The following GTF2F2 variants were observed in gnomAD, a reference collection of about 807,000 sequenced individuals.
The protein encoded by GTF2F2 is ATP-dependent helicase GTF2F2.
Under a neutral mutation model 42.2 loss-of-function variants are expected in GTF2F2, and 23 were observed. The observed-to-expected ratio is 0.55, with a 90% CI of 0.39 to 0.77. The LOEUF is 0.77. Among genes scored for constraint, GTF2F2 ranks in the 30% least tolerant of loss-of-function variants. The pLI is 0.00. For synonymous variants in GTF2F2, 105 were observed against 100.8 expected, an observed-to-expected ratio of 1.04 and a Z score of -0.25; for missense variants, 261 against 287.2, an observed-to-expected ratio of 0.91 and a Z score of 0.66.
At chr13:45,224,934 G>A (rs919969283) in intron 5 of GTF2F2, among the ~76,000 whole-genome samples, 2 of 152,188 alleles carry the variant, frequency 1.3e-5, no homozygotes, top group Admixed American at 1.3e-4. Flanking sequence ...ATTGTGCTAG[G>A]CACTGTCCCT....
intron 1 of GTF2F2, among the ~76,000 whole-genome samples, chr13:45,121,133 A>G (rs778291223): frequency 6.6e-6 from 1 of 152,190 alleles, no homozygotes; most frequent in Non-Finnish European, 1.5e-5. Context: ...AGAAAGTAGG[A>G]CTGGTCCCTG....
chr13:45,165,105 GC>G (rs1871214918), intron 4 of GTF2F2, among the ~76,000 whole-genome samples: 1 of 151,922 alleles, frequency 6.6e-6, no homozygotes, highest in Admixed American at 6.6e-5. Context: ...GCTATGATGA[GC>G]ACTTACACAG....
chr13:45,201,600 T>C (rs1340125609), intron 4 of GTF2F2, among the ~76,000 whole-genome samples: 1 of 152,244 alleles, frequency 6.6e-6, no homozygotes, highest in Non-Finnish European at 1.5e-5. Flanking sequence ...GGATGTGCTT[T>C]ATATACATAA....
Position 45,151,831 on chromosome 13 carries a change from G to A in GTF2F2, c.304G>A (p.Asp102Asn). The change falls in exon 4 of 8, where the codon GAT (aspartate) becomes AAT (asparagine). Residue 102 changes from aspartate to asparagine, a missense_variant and splice_region_variant. By Grantham distance (23) the Asp-to-Asn change is conservative. Transcript: ENST00000340473. ...TLTVFTESSS[D>N]KLSLEGIVVQ... ...AACAGTATTTACTGAGAGCTCATCA[G>A]GTAAGTGGGAATGGAATTATTTAAT... The A allele has an allele frequency of 7.0e-7, 1 of 1,434,848 alleles. No individual in the cohort carries two copies. Among genetic ancestry groups the A allele is most frequent in the Middle Eastern group, 1.8e-4 (1 of 5,482 alleles). The allele number at this position is 1,434,848 out of a possible 1,614,324, so 88.9% of individuals were successfully genotyped here.
chr13:45,215,426 CAG>C (rs1873846785), intron 5 of GTF2F2, among the ~76,000 whole-genome samples: 1 of 152,088 alleles, frequency 6.6e-6, no homozygotes, highest in East Asian at 1.9e-4. Context: ...AAAACTATAA[CAG>C]AAAACTAGGC....
intron 7 of GTF2F2, among the ~76,000 whole-genome samples, chr13:45,275,112 CT>C (rs1186469001): frequency 1.3e-5 from 2 of 152,110 alleles, no homozygotes; most frequent in African/African-American, 2.4e-5. Flanking sequence ...TAGATTTTCT[CT>C]GGATATTAAT....
chr13:45,217,473 T>G (rs1873944209), intron 5 of GTF2F2, among the ~76,000 whole-genome samples: 1 of 152,178 alleles, frequency 6.6e-6, no homozygotes, highest in African/African-American at 2.4e-5. Flanking sequence ...TGTGCTAGAT[T>G]GTGAGCCCCT....
In GTF2F2 at chr13:45,120,739, C is replaced by T; in HGVS notation, c.66+18C>T. 2 of 1,524,790 alleles carry T rather than the reference C, an allele frequency of 1.3e-6. No individual in the cohort carries two copies. Among genetic ancestry groups the T allele is most frequent in the Non-Finnish European group, 1.8e-6 (2 of 1,121,838 alleles). The allele number at this position is 1,524,790 out of a possible 1,614,324, so 94.5% of individuals were successfully genotyped here. ...TAGTCAAGGTAATGTTCGCGAGTCTCCCACTTGCGCTCCTCCTAACACAAG... is the reference window on the plus strand; with the variant it reads ...TAGTCAAGGTAATGTTCGCGAGTCTTCCACTTGCGCTCCTCCTAACACAAG... On this transcript the variant is annotated intron_variant, in intron 1 of 7. Transcript: ENST00000340473.
chr13:45,234,569 ATTTAT>A (rs1484042837), intron 5 of GTF2F2, among the ~76,000 whole-genome samples: 1 of 152,208 alleles, frequency 6.6e-6, no homozygotes, highest in Non-Finnish European at 1.5e-5. Flanking sequence ...TAGCAAAAAT[ATTTAT>A]TTTATTAAAG....
At chr13:45,143,434 G>A (rs1440142081) in intron 2 of GTF2F2, among the ~76,000 whole-genome samples, 3 of 152,184 alleles carry the variant, frequency 2.0e-5, no homozygotes, top group African/African-American at 7.2e-5. Context: ...TGTTTACTCT[G>A]TTTCCTCATC....
chr13:45,145,469 C>G (rs1190288926), intron 2 of GTF2F2, among the ~76,000 whole-genome samples: 1 of 152,152 alleles, frequency 6.6e-6, no homozygotes, highest in African/African-American at 2.4e-5. Context: ...TTGCTGCTTC[C>G]AAGGCCTTCT....
chr13:45,124,114 G>A, intron 1 of GTF2F2: 1 of 729,372 alleles, frequency 1.4e-6, no homozygotes. Context: ...GGTCGTTGAG[G>A]GCAATGCCAG....
intron 1 of GTF2F2, among the ~76,000 whole-genome samples, chr13:45,122,109 CAG>C (rs551757551): frequency 1.3e-5 from 2 of 152,090 alleles, no homozygotes; most frequent in Admixed American, 6.5e-5. Context: ...TTGTGGAAAA[CAG>C]AGAGAACCTA....
intron 5 of GTF2F2, among the ~76,000 whole-genome samples, chr13:45,226,229 A>G (rs1434891407): frequency 6.6e-6 from 1 of 152,206 alleles, no homozygotes; most frequent in Non-Finnish European, 1.5e-5. Flanking sequence ...CCTAACCAAA[A>G]GGAAATTTGA....
chr13:45,275,857 A>C (rs113180511), intron 7 of GTF2F2, among the ~76,000 whole-genome samples: 3,685 of 152,252 alleles, frequency 0.024, 139 homozygotes, highest in African/African-American at 0.085. Context: ...TTCTAGTTCT[A>C]GATCCTTGAG....
intron 5 of GTF2F2, among the ~76,000 whole-genome samples, chr13:45,232,715 T>G (rs1328779643): frequency 1.3e-5 from 2 of 152,232 alleles, no homozygotes; most frequent in Non-Finnish European, 2.9e-5. Context: ...TAGGTCAGCC[T>G]TCTTGAACTG....
At chr13:45,122,082 A>G (rs537981939) in intron 1 of GTF2F2, among the ~76,000 whole-genome samples, 2 of 152,322 alleles carry the variant, frequency 1.3e-5, no homozygotes, top group African/African-American at 4.8e-5. Context: ...CTCAAAATAT[A>G]TAATCAGCAT....
At chr13:45,189,808 G>A (rs1449107703) in intron 4 of GTF2F2, among the ~76,000 whole-genome samples, 1 of 151,808 alleles carries the variant, frequency 6.6e-6, no homozygotes, top group Non-Finnish European at 1.5e-5. Context: ...AAAATCAATG[G>A]GTTGCAAATT....
At chr13:45,167,633 C>T (rs1434334587) in intron 4 of GTF2F2, among the ~76,000 whole-genome samples, 2 of 152,166 alleles carry the variant, frequency 1.3e-5, no homozygotes, top group East Asian at 1.9e-4. Context: ...CTCTTGACGT[C>T]GTGATCTGCC....
Sources: allele counts gnomAD v4.1 joint callset (sites outside exome capture counted in the v4.1 genomes callset), GRCh38; gene constraint gnomAD v4.1.1; transcripts MANE v1.5; gene names NCBI Gene and HGNC (gene_info 2026-07-23, HGNC 2026-07-21).